Variants in PRR16 observed in about 807,000 individuals in gnomAD.
PRR16 encodes the protein protein Largen.
Under a neutral mutation model 18.2 loss-of-function variants are expected in PRR16, and 6 were observed. That is an observed-to-expected ratio of 0.33 (90% confidence interval 0.18 to 0.65). PRR16 has a LOEUF of 0.65. Ranked by LOEUF, PRR16 falls within the 30% of genes least tolerant of loss-of-function variation. PRR16 has a pLI of 0.74. For synonymous variants in PRR16, 151 were observed against 147.8 expected (o/e 1.02, Z -0.16); for missense variants, 412 against 376.6 (o/e 1.09, Z -0.78).
intron 1 of PRR16, among the ~76,000 whole-genome samples, chr5:120,629,865 T>C (rs1482317076): frequency 6.7e-6 from 1 of 148,896 alleles, no homozygotes; most frequent in African/African-American, 2.4e-5. Flanking sequence ...CCCATTATTT[T>C]CTGGGCTGCA....
intron 1 of PRR16, among the ~76,000 whole-genome samples, chr5:120,593,448 C>G (rs1753702843): frequency 6.6e-6 from 1 of 151,702 alleles, no homozygotes. Context: ...CAAGCTGAAC[C>G]AGGAGGAAAT....
chr5:120,655,082 G>T (rs1755921246), intron 1 of PRR16, among the ~76,000 whole-genome samples: 1 of 151,768 alleles, frequency 6.6e-6, no homozygotes, highest in African/African-American at 2.4e-5. Flanking sequence ...TTACCTGCCA[G>T]AATATATACT....
the PRR16 span, among the ~76,000 whole-genome samples, chr5:120,786,816 A>G: frequency 2.0e-5 from 3 of 152,082 alleles, no homozygotes; most frequent in African/African-American, 4.8e-5. Flanking sequence ...TATGTTACTT[A>G]CATAAATTAA....
chr5:120,541,155 G>GT (rs942690709), intron 1 of PRR16, among the ~76,000 whole-genome samples: 1 of 151,706 alleles, frequency 6.6e-6, no homozygotes, highest in African/African-American at 2.4e-5. Flanking sequence ...TTTGTTTCTT[G>GT]TTTTTTTTGG....
chr5:120,536,506 C>CT (rs1464682201), intron 1 of PRR16, among the ~76,000 whole-genome samples: 1 of 151,866 alleles, frequency 6.6e-6, no homozygotes, highest in Non-Finnish European at 1.5e-5. Context: ...AAAAATGTCT[C>CT]TTTTTTTTAA....
chr5:120,570,337 T>C (rs1041398624), intron 1 of PRR16, among the ~76,000 whole-genome samples: 1 of 151,906 alleles, frequency 6.6e-6, no homozygotes, highest in Non-Finnish European at 1.5e-5. Flanking sequence ...TGAAGGGAAT[T>C]TATCAAGAAA....
chr5:120,472,173 T>TG (rs987254729), intron 1 of PRR16, among the ~76,000 whole-genome samples: 2 of 152,174 alleles, frequency 1.3e-5, no homozygotes, highest in African/African-American at 2.4e-5. Flanking sequence ...TCATGATGTT[T>TG]GGGACACTAT....
the PRR16 span, among the ~76,000 whole-genome samples, chr5:120,787,511 C>T: frequency 6.6e-6 from 1 of 152,026 alleles, no homozygotes; most frequent in Non-Finnish European, 1.5e-5. Flanking sequence ...AACTTATGGC[C>T]ACTGAGGGCT....
chr5:120,746,004 G>A, the PRR16 span, among the ~76,000 whole-genome samples: 4 of 151,776 alleles, frequency 2.6e-5, no homozygotes, highest in Non-Finnish European at 4.4e-5. Context: ...GAACCACCAC[G>A]TGTGGCCTTT....
At chr5:120,706,276 C>T in the PRR16 span, among the ~76,000 whole-genome samples, 4 of 145,114 alleles carry the variant, frequency 2.8e-5, no homozygotes, top group African/African-American at 1.0e-4. Context: ...ACCAGGCCTC[C>T]TGATGTAATG....
In PRR16 at chr5:120,686,473, A is replaced by T. The variant is rs1484790344; in HGVS notation, c.679A>T (p.Lys227Ter). The part of the protein sequence containing the change: ...CPDCDTRYNI[K>*]NREVHLHSEP... ...TGACTGTGATACCCGGTATAACATA[A>T]AAAACAGGGAGGTCCACTTACACAG... Residue 227 changes from lysine to a stop codon, truncating the protein, a stop_gained, in exon 2 of 2, where the codon AAA becomes TAA. Transcript: ENST00000407149. LOFTEE classifies it high-confidence loss of function. 1 of 1,613,932 alleles carries T rather than the reference A, an allele frequency of 6.2e-7. No individual in the cohort carries two copies. Among genetic ancestry groups the T allele is most frequent in the East Asian group, 2.2e-5 (1 of 44,884 alleles).
chr5:120,676,054 A>T (rs1045870421), intron 1 of PRR16, among the ~76,000 whole-genome samples: 1 of 152,174 alleles, frequency 6.6e-6, no homozygotes, highest in East Asian at 1.9e-4. Context: ...TTTTAAGTAT[A>T]TATCCTCCAT....
chr5:120,768,594 T>C, the PRR16 span, among the ~76,000 whole-genome samples: 11 of 151,636 alleles, frequency 7.3e-5, no homozygotes, highest in Non-Finnish European at 1.3e-4. Flanking sequence ...ACTTTACTCA[T>C]CGTATTCACC....
At chr5:120,506,809 G>A (rs1750659988) in intron 1 of PRR16, among the ~76,000 whole-genome samples, 1 of 151,920 alleles carries the variant, frequency 6.6e-6, no homozygotes, top group Non-Finnish European at 1.5e-5. Flanking sequence ...AGGCAGAGGA[G>A]GAAAAGACTA....
chr5:120,727,378 G>T, the PRR16 span, among the ~76,000 whole-genome samples: 2 of 152,010 alleles, frequency 1.3e-5, no homozygotes, highest in Non-Finnish European at 2.9e-5. Context: ...AATCTGTATG[G>T]TCACCTGCCT....
intron 1 of PRR16, among the ~76,000 whole-genome samples, chr5:120,675,449 C>G (rs1322231146): frequency 6.6e-6 from 1 of 152,148 alleles, no homozygotes; most frequent in African/African-American, 2.4e-5. Context: ...ATGCCCCACT[C>G]TAACTTTTGT....
chr5:120,745,408 A>C, the PRR16 span, among the ~76,000 whole-genome samples: 1 of 151,152 alleles, frequency 6.6e-6, no homozygotes, highest in Non-Finnish European at 1.5e-5. Context: ...AGCAGCATCC[A>C]CTCTTTCTCA....
intron 1 of PRR16, among the ~76,000 whole-genome samples, chr5:120,683,404 A>T (rs745712828): frequency 2.0e-5 from 3 of 150,222 alleles, no homozygotes; most frequent in Non-Finnish European, 4.4e-5. Context: ...TGGGAGGCTG[A>T]GGTGGGAGAA....
chr5:120,492,647 G>T (rs559929455), intron 1 of PRR16, among the ~76,000 whole-genome samples: 1 of 152,200 alleles, frequency 6.6e-6, no homozygotes, highest in Non-Finnish European at 1.5e-5. Context: ...TGAATTCTGA[G>T]ATTTTAGTGC....
Sources: gnomAD v4.1 joint callset for allele counts (sites outside exome capture counted in the v4.1 genomes callset) on GRCh38, gnomAD v4.1.1 for gene constraint, MANE v1.5 for transcripts, NCBI Gene and HGNC (gene_info 2026-07-23, HGNC 2026-07-21) for gene names.